The following USH2A variants were observed in gnomAD, a reference collection of about 807,000 sequenced individuals.
The protein encoded by USH2A is Usher syndrome 2A (autosomal recessive, mild).
USH2A carries 443 observed loss-of-function variants against 538.9 expected under a neutral mutation model. The ratio of observed to expected loss-of-function variants is 0.82; its 90% CI spans 0.76 to 0.89. The LOEUF is 0.89. Ranked by LOEUF, USH2A falls within the 40% of genes least tolerant of loss-of-function variation. The pLI, the probability that USH2A is intolerant of heterozygous loss-of-function variation, is 0.00. For synonymous variants in USH2A, 2,413 were observed against 2,273.5 expected (o/e 1.06, Z -1.75); for missense variants, 6,633 against 6,324.8 (o/e 1.05, Z -1.65).
At chr1:215,937,708 C>G (rs977227799) in intron 37 of USH2A, among the ~76,000 whole-genome samples, 1 of 152,092 alleles carries the variant, frequency 6.6e-6, no homozygotes, top group Non-Finnish European at 1.5e-5. Flanking sequence ...TCAATTGACT[C>G]TCAAGTAGCG....
At chr1:215,924,474 A>G (rs957510103) in intron 38 of USH2A, among the ~76,000 whole-genome samples, 2 of 152,118 alleles carry the variant, frequency 1.3e-5, no homozygotes, top group African/African-American at 4.8e-5. Context: ...TCAGGCATAC[A>G]GTTTGTCTAT....
At chr1:216,064,689 T>A (rs1238299387) in intron 30 of USH2A, among the ~76,000 whole-genome samples, 2 of 152,036 alleles carry the variant, frequency 1.3e-5, no homozygotes, top group Non-Finnish European at 2.9e-5. Flanking sequence ...TGTTTTGATC[T>A]GTTTAGATAC....
intron 20 of USH2A, among the ~76,000 whole-genome samples, chr1:216,180,813 C>T (rs954659013): frequency 6.6e-6 from 1 of 152,058 alleles, no homozygotes; most frequent in African/African-American, 2.4e-5. Context: ...TTGACTTTTT[C>T]GCAGAAATGC....
At chr1:216,228,397 G>A (rs570455765) in intron 14 of USH2A, among the ~76,000 whole-genome samples, 3 of 152,120 alleles carry the variant, frequency 2.0e-5, no homozygotes, top group African/African-American at 7.2e-5. Flanking sequence ...GATTGATATG[G>A]TTTGGCTGTG....
chr1:215,760,633 A>C (rs1363226897), intron 56 of USH2A, among the ~76,000 whole-genome samples: 1 of 152,150 alleles, frequency 6.6e-6, no homozygotes, highest in Non-Finnish European at 1.5e-5. Context: ...TCCTGTCTAC[A>C]ATCTATGTAC....
chr1:216,084,068 G>A (rs536557891), intron 25 of USH2A, among the ~76,000 whole-genome samples: 7 of 151,966 alleles, frequency 4.6e-5, no homozygotes, highest in Non-Finnish European at 8.8e-5. Flanking sequence ...TGAACAAGCC[G>A]GGTGCACCAA....
chr1:215,738,974 C>G (rs147402126), intron 60 of USH2A, among the ~76,000 whole-genome samples: 1 of 152,084 alleles, frequency 6.6e-6, no homozygotes, highest in Non-Finnish European at 1.5e-5. Context: ...TTTTTTGCAG[C>G]TATCTAAGAA....
intron 67 of USH2A, among the ~76,000 whole-genome samples, chr1:215,644,565 T>C (rs750128522): frequency 1.3e-5 from 2 of 151,892 alleles, no homozygotes; most frequent in Non-Finnish European, 2.9e-5. Flanking sequence ...TCCAAAGAAG[T>C]AGAGGAGAAA....
intron 32 of USH2A, among the ~76,000 whole-genome samples, chr1:216,014,255 T>C (rs1668651092): frequency 6.6e-6 from 1 of 151,998 alleles, no homozygotes; most frequent in Admixed American, 6.6e-5. Context: ...AGTAGTCATG[T>C]GTAAAATGTA....
At chr1:216,075,832 G>C (rs1052892078) in intron 27 of USH2A, among the ~76,000 whole-genome samples, 11 of 146,306 alleles carry the variant, frequency 7.5e-5, no homozygotes, top group African/African-American at 2.8e-4. Flanking sequence ...ATCTGGTTCG[G>C]AGGAAGATTG....
rs2034902104 is a variant in USH2A at position 216,198,402 on chromosome 1, A to G, written c.3994T>C (p.Tyr1332His). Reference protein sequence around the residue: ...TMTTITGLEPYTKYEFRVLAV... With the variant: ...TMTTITGLEPHTKYEFRVLAV... ...AAGACTCTGAACTCATACTTGGTGT[A>G]TGGCTCCAAGCCAGTGATGGTTGTC... The change falls in exon 18 of 72, where the codon TAC becomes CAC. Residue 1332 changes from tyrosine to histidine, a missense_variant. Tyr to His is a moderately conservative substitution (Grantham distance 83, BLOSUM62 2). Coordinates refer to ENST00000307340, the MANE Select transcript of USH2A (RefSeq NM_206933.4). 6.2e-7 allele frequency: 1 copy of G among 1,614,038 alleles called. No individual in the cohort carries two copies. Among genetic ancestry groups the G allele is most frequent in the African/African-American group, 1.3e-5 (1 of 75,034 alleles).
In USH2A at chr1:215,758,729, T is replaced by C. The variant is rs1290565157; in HGVS notation, c.11255A>G (p.Lys3752Arg). 4.3e-6 allele frequency: 7 copies of C among 1,613,996 alleles called. No individual in the cohort carries two copies. The highest frequency in any genetic ancestry group is 5.9e-6 in the Non-Finnish European group (7 of 1,179,964). ...NSRYTYKLEV[K>R]TGGGSSASDD... ...ACTAGCACTGCTGCCACCTCCAGTT[T>C]TGACTTCTAACTTGTAAGTGTATCT... Residue 3752 changes from lysine to arginine, a missense_variant, in exon 58 of 72, where the codon AAA (lysine) becomes AGA (arginine). Coordinates refer to ENST00000307340, the MANE Select transcript of USH2A (RefSeq NM_206933.4).
At chr1:216,332,068 C>T (rs1318719973) in intron 4 of USH2A, among the ~76,000 whole-genome samples, 1 of 152,128 alleles carries the variant, frequency 6.6e-6, no homozygotes, top group Non-Finnish European at 1.5e-5. Flanking sequence ...CTGCCACTCT[C>T]TGGAAGCCCT....
intron 32 of USH2A, among the ~76,000 whole-genome samples, chr1:216,032,499 C>A (rs753847952): frequency 6.6e-6 from 1 of 152,080 alleles, no homozygotes; most frequent in Non-Finnish European, 1.5e-5. Context: ...GAATGACTCC[C>A]AGTGACACAC....
At position 215,634,928 on chromosome 1, in the gene USH2A, C is replaced by T. The variant is rs773672096; in HGVS notation, c.15053-225G>A. ...TGAGAGGCCTTGCTGACACTTCTGG[C>T]GCTGCTGCTCAGGTTGGAAATCACC... is the stretch of plus-strand genomic sequence containing the variant. On this transcript the variant is annotated intron_variant, in intron 69 of 71. Coordinates refer to ENST00000307340, the MANE Select transcript of USH2A (RefSeq NM_206933.4). Among the ~76,000 whole-genome samples the T allele has an allele frequency of 1.9e-4, 29 of 152,120 alleles. 1 individual carries two copies. Among genetic ancestry groups the T allele is most frequent in the South Asian group, 4.1e-4 (2 of 4,824 alleles).
chr1:216,012,532 G>C (rs1160610187), intron 32 of USH2A, among the ~76,000 whole-genome samples: 1 of 152,092 alleles, frequency 6.6e-6, no homozygotes, highest in East Asian at 1.9e-4. Flanking sequence ...TAATTCCTCA[G>C]TTTAGCCTTC....
At chr1:216,145,280 A>C (rs1405758541) in intron 21 of USH2A, among the ~76,000 whole-genome samples, 1 of 152,204 alleles carries the variant, frequency 6.6e-6, no homozygotes, top group Non-Finnish European at 1.5e-5. Context: ...TAGCTGTCCT[A>C]ACTAGCTGTG....
At chr1:216,186,414 C>T (rs1161658407) in intron 20 of USH2A, among the ~76,000 whole-genome samples, 1 of 151,780 alleles carries the variant, frequency 6.6e-6, no homozygotes, top group Non-Finnish European at 1.5e-5. Flanking sequence ...AGACAATATT[C>T]TCCTTCTAGA....
intron 30 of USH2A, among the ~76,000 whole-genome samples, chr1:216,065,948 T>C (rs1458502742): frequency 6.6e-6 from 1 of 151,946 alleles, no homozygotes; most frequent in Admixed American, 6.6e-5. Context: ...TGGACCTACC[T>C]AGGCACATCA....
Sources: allele counts gnomAD v4.1 joint callset (sites outside exome capture counted in the v4.1 genomes callset), GRCh38; gene constraint gnomAD v4.1.1; transcripts MANE v1.5; gene names NCBI Gene and HGNC (gene_info 2026-07-23, HGNC 2026-07-21).